The following DNAAF11 variants were observed in gnomAD, a reference collection of about 807,000 sequenced individuals.
DNAAF11 encodes the protein dynein axonemal assembly factor 11.
In DNAAF11, 45 loss-of-function variants were observed where a neutral mutation model predicts 60.8. The observed-to-expected ratio is 0.74, with a 90% CI of 0.58 to 0.95. DNAAF11 has a LOEUF of 0.95. Among genes scored for constraint, DNAAF11 ranks in the 40% least tolerant of loss-of-function variants. The pLI, the probability that DNAAF11 is intolerant of heterozygous loss-of-function variation, is 0.00. For missense variants in DNAAF11, 546 were observed against 546.2 expected (o/e 1.00, Z 0.00); for synonymous variants, 191 against 183.5 (o/e 1.04, Z -0.33).
At chr8:132,617,109 C>T (rs1373137145) in intron 7 of DNAAF11, among the ~76,000 whole-genome samples, 1 of 152,086 alleles carries the variant, frequency 6.6e-6, no homozygotes, top group Non-Finnish European at 1.5e-5. Flanking sequence ...GAACCGAAAC[C>T]CTCTGAAGAG....
the DNAAF11 span, among the ~76,000 whole-genome samples, chr8:132,692,477 G>A: frequency 4.6e-5 from 7 of 152,292 alleles, no homozygotes; most frequent in African/African-American, 1.7e-4. Context: ...CTGCAGAACT[G>A]CATGCAGCCA....
At chr8:132,595,166 A>G (rs2131108575) in intron 10 of DNAAF11, among the ~76,000 whole-genome samples, 1 of 152,218 alleles carries the variant, frequency 6.6e-6, no homozygotes, top group Non-Finnish European at 1.5e-5. Flanking sequence ...AGATGTAAAC[A>G]GAGAAAGGGG....
intron 10 of DNAAF11, among the ~76,000 whole-genome samples, chr8:132,599,258 G>A (rs912440578): frequency 2.6e-5 from 4 of 152,110 alleles, no homozygotes; most frequent in Non-Finnish European, 5.9e-5. Flanking sequence ...CCAATAACAG[G>A]CTCTGAAATT....
chr8:132,607,738 T>C (rs1278718336), intron 10 of DNAAF11, among the ~76,000 whole-genome samples: 1 of 152,198 alleles, frequency 6.6e-6, no homozygotes, highest in African/African-American at 2.4e-5. Context: ...CTTGGCATAA[T>C]ATGCAGGTTC....
intron 7 of DNAAF11, among the ~76,000 whole-genome samples, chr8:132,622,074 A>T (rs539435773): frequency 3.3e-5 from 5 of 152,308 alleles, no homozygotes; most frequent in Admixed American, 2.6e-4. Flanking sequence ...TCTAATTTCA[A>T]TTTTTAAGAC....
Position 132,650,359 on chromosome 8 carries a change from G to T in DNAAF11, c.256+6471C>A, listed in dbSNP as rs527695798. On this transcript the variant is annotated intron_variant, in intron 3 of 11. Transcript: ENST00000620350. ...CAGGGTGGGGAACATCACACACTGG[G>T]GCCTGTCATGAGGTGGGGGGAGGGC... is the stretch of plus-strand genomic sequence containing the variant. Among the ~76,000 whole-genome samples, 118 of 152,112 alleles carry T rather than the reference G, an allele frequency of 7.8e-4. 2 individuals carry two copies. The highest frequency in any genetic ancestry group is 1.9e-4 in the East Asian group (1 of 5,178).
intron 11 of DNAAF11, among the ~76,000 whole-genome samples, chr8:132,573,042 A>T (rs1814374281): frequency 6.6e-6 from 1 of 152,062 alleles, no homozygotes; most frequent in Non-Finnish European, 1.5e-5. Context: ...GCAAGCATGA[A>T]ACAGAAGAAG....
At chr8:132,578,509 T>C (rs1375455430) in intron 11 of DNAAF11, 5 of 1,523,084 alleles carry the variant, frequency 3.3e-6, no homozygotes, top group Non-Finnish European at 3.5e-6. Context: ...TAGAATCCAG[T>C]AGAATAGCTG....
At chr8:132,674,648 A>G (rs756037785) in intron 1 of DNAAF11, among the ~76,000 whole-genome samples, 12 of 152,182 alleles carry the variant, frequency 7.9e-5, no homozygotes, top group Non-Finnish European at 1.5e-4. Flanking sequence ...CAGCACTTTG[A>G]GAGGCCGAGG....
intron 8 of DNAAF11, among the ~76,000 whole-genome samples, chr8:132,613,673 G>A (rs1371610216): frequency 6.6e-6 from 1 of 152,114 alleles, no homozygotes; most frequent in Non-Finnish European, 1.5e-5. Flanking sequence ...TGAAATGGTC[G>A]ATTTTAAGTT....
At chr8:132,687,410 G>A in the DNAAF11 span, 1 of 314,282 alleles carries the variant, frequency 3.2e-6, no homozygotes, top group African/African-American at 2.2e-5. Flanking sequence ...CATTCTAGCA[G>A]AATAATGAAG....
chr8:132,583,694 C>CTTGTA lies in DNAAF11; in HGVS notation c.1221_1225dup (p.Arg409IlefsTer10). The CTTGTA allele has an allele frequency of 6.2e-7, 1 of 1,612,196 alleles. No individual in the cohort carries two copies. The highest frequency in any genetic ancestry group is 8.5e-7 in the Non-Finnish European group (1 of 1,178,556). On this transcript the variant is annotated frameshift_variant and splice_region_variant, in exon 11 of 12. Transcript: ENST00000620350. LOFTEE classifies it high-confidence loss of function. ...TAAGGACAGTCTGGGAGGGTGGTAC[C>CTTGTA]TTGTATTTGTTTGTTCTCTGCTCCT...
chr8:132,587,877 T>C (rs777137171), intron 10 of DNAAF11, among the ~76,000 whole-genome samples: 10 of 152,204 alleles, frequency 6.6e-5, no homozygotes, highest in Non-Finnish European at 1.3e-4. Context: ...TTCTACAGAA[T>C]ACAAAAGTCC....
At chr8:132,584,107 G>A (rs1002934360) in intron 10 of DNAAF11, among the ~76,000 whole-genome samples, 2 of 152,126 alleles carry the variant, frequency 1.3e-5, no homozygotes, top group Admixed American at 1.3e-4. Flanking sequence ...GGATACAGAT[G>A]TGATGGAAAC....
intron 3 of DNAAF11, among the ~76,000 whole-genome samples, chr8:132,649,078 G>GA (rs1390940865): frequency 6.6e-6 from 1 of 152,124 alleles, no homozygotes; most frequent in Non-Finnish European, 1.5e-5. Flanking sequence ...TAAGCAAAAA[G>GA]AACAAAGCTG....
chr8:132,604,496 C>A (rs548264706), intron 10 of DNAAF11, among the ~76,000 whole-genome samples: 1 of 152,248 alleles, frequency 6.6e-6, no homozygotes, highest in South Asian at 2.1e-4. Flanking sequence ...AATCATGAAG[C>A]ATATTCTTGG....
At chr8:132,674,187 G>A (rs1177083181) in intron 1 of DNAAF11, among the ~76,000 whole-genome samples, 2 of 143,980 alleles carry the variant, frequency 1.4e-5, no homozygotes, top group Non-Finnish European at 3.0e-5. Context: ...GGAGAAGGAG[G>A]AGGAGGAGAA....
Position 132,661,589 on chromosome 8 carries a change from C to CACAAAG in DNAAF11, c.48_49insCTTTGT (p.Asn16_Asp17insLeuCys), listed in dbSNP as rs1563705280. 12 of 1,614,058 alleles carry CACAAAG rather than the reference C, an allele frequency of 7.4e-6. No homozygotes were observed. The highest frequency in any genetic ancestry group is 1.0e-5 in the Non-Finnish European group (12 of 1,179,988). ...TCCTCCAGGGAAAAAATGACACAGT[C>CACAAAG]GTTGTGTTCAGCATTCCGTCTAATA... On this transcript the variant is annotated inframe_insertion, in exon 2 of 12. Coordinates refer to ENST00000620350, the MANE Select transcript of DNAAF11 (RefSeq NM_012472.6).
chr8:132,669,269 G>C (rs1824938969), intron 1 of DNAAF11, among the ~76,000 whole-genome samples: 1 of 152,230 alleles, frequency 6.6e-6, no homozygotes, highest in Non-Finnish European at 1.5e-5. Context: ...CATGAAAGCA[G>C]ATGCTAGCTA....
Sources: gnomAD v4.1 joint callset for allele counts (sites outside exome capture counted in the v4.1 genomes callset) on GRCh38, gnomAD v4.1.1 for gene constraint, MANE v1.5 for transcripts, NCBI Gene and HGNC (gene_info 2026-07-23, HGNC 2026-07-21) for gene names.